VEGFC: variants seen among roughly 807,000 people sequenced by gnomAD.
VEGFC encodes the protein FLT4 ligand DHM.
VEGFC carries 12 observed loss-of-function variants against 46.1 expected under a neutral mutation model. That is an observed-to-expected ratio of 0.26 (90% confidence interval 0.17 to 0.42). VEGFC has a LOEUF of 0.42. Ranked by LOEUF, VEGFC falls within the 10% of genes least tolerant of loss-of-function variation. The probability of loss-of-function intolerance (pLI) is 1.00; values close to 1 mark genes in which losing one functional copy is unlikely to be tolerated. For synonymous variants in VEGFC, 232 were observed against 195.5 expected, an observed-to-expected ratio of 1.19 and a Z score of -1.56; for missense variants, 488 against 529.4, an observed-to-expected ratio of 0.92 and a Z score of 0.77.
intron 4 of VEGFC, among the ~76,000 whole-genome samples, chr4:176,709,025 C>A (rs569767059): frequency 6.6e-6 from 1 of 152,184 alleles, no homozygotes; most frequent in East Asian, 1.9e-4. Flanking sequence ...GTATGGCTTA[C>A]TCTAAGACTC....
chr4:176,712,024 T>TCA (rs1165796159), intron 3 of VEGFC, among the ~76,000 whole-genome samples: 1 of 152,122 alleles, frequency 6.6e-6, no homozygotes, highest in Non-Finnish European at 1.5e-5. Flanking sequence ...TTAAAAAGTG[T>TCA]CACACACAGA....
At chr4:176,772,771 T>C (rs1735743553) in intron 1 of VEGFC, among the ~76,000 whole-genome samples, 1 of 152,112 alleles carries the variant, frequency 6.6e-6, no homozygotes, top group Admixed American at 6.6e-5. Context: ...TCTGGAGAAA[T>C]CTCTCCTGAT....
chr4:176,777,859 C>A (rs1292883919), intron 1 of VEGFC, among the ~76,000 whole-genome samples: 4 of 122,512 alleles, frequency 3.3e-5, no homozygotes, highest in Non-Finnish European at 6.4e-5. Context: ...GTGGAGCTTG[C>A]AGTGAGCCAA....
intron 1 of VEGFC, among the ~76,000 whole-genome samples, chr4:176,738,776 T>C (rs529016558): frequency 9.2e-5 from 14 of 151,886 alleles, no homozygotes; most frequent in Non-Finnish European, 1.8e-4. Flanking sequence ...ACCTACAGAA[T>C]GGGAGAAAAC....
intron 3 of VEGFC, among the ~76,000 whole-genome samples, chr4:176,714,041 G>A (rs1212426022): frequency 6.6e-6 from 1 of 152,152 alleles, no homozygotes; most frequent in South Asian, 2.1e-4. Context: ...AGTGGGAAAG[G>A]GCTCAAGTGG....
chr4:176,778,220 T>G (rs28637849), intron 1 of VEGFC, among the ~76,000 whole-genome samples: 16,648 of 152,156 alleles, frequency 0.11, 2,262 homozygotes, highest in African/African-American at 0.32. Flanking sequence ...ACGACTTCAC[T>G]TGCTGATGGT....
intron 1 of VEGFC, among the ~76,000 whole-genome samples, chr4:176,750,732 T>C (rs1735328524): frequency 6.6e-6 from 1 of 151,842 alleles, no homozygotes; most frequent in African/African-American, 2.4e-5. Flanking sequence ...AAACTATTTA[T>C]GAAAACTGAC....
chr4:176,759,987 A>T (rs1008381181), intron 1 of VEGFC, among the ~76,000 whole-genome samples: 1 of 152,178 alleles, frequency 6.6e-6, no homozygotes, highest in African/African-American at 2.4e-5. Flanking sequence ...AAGTGTTTTT[A>T]CACAGAAAAA....
intron 1 of VEGFC, among the ~76,000 whole-genome samples, chr4:176,750,083 A>C (rs1476572866): frequency 2.0e-5 from 3 of 151,828 alleles, no homozygotes. Context: ...TATTTCTAAA[A>C]TTAAATTTTC....
At chr4:176,785,736 G>A (rs2110953014) in intron 1 of VEGFC, among the ~76,000 whole-genome samples, 1 of 151,996 alleles carries the variant, frequency 6.6e-6, no homozygotes, top group Non-Finnish European at 1.5e-5. Flanking sequence ...CTATTTCAAT[G>A]AACTGTCTAC....
intron 4 of VEGFC, among the ~76,000 whole-genome samples, chr4:176,692,201 C>G (rs1459556870): frequency 6.7e-6 from 1 of 149,698 alleles, no homozygotes; most frequent in Non-Finnish European, 1.5e-5. Flanking sequence ...GAGACCATCC[C>G]GGCTAAAACG....
At chr4:176,720,822 A>G (rs1329751858) in intron 3 of VEGFC, among the ~76,000 whole-genome samples, 2 of 142,846 alleles carry the variant, frequency 1.4e-5, no homozygotes, top group Non-Finnish European at 3.0e-5. Context: ...CCACCTGGGC[A>G]ACAAGAGTGA....
intron 3 of VEGFC, among the ~76,000 whole-genome samples, chr4:176,715,760 T>C (rs1734689383): frequency 6.6e-6 from 1 of 152,214 alleles, no homozygotes; most frequent in South Asian, 2.1e-4. Context: ...GCTTAGAAAA[T>C]ATACATTTTT....
chr4:176,759,073 A>G (rs1407522647), intron 1 of VEGFC, among the ~76,000 whole-genome samples: 2 of 152,206 alleles, frequency 1.3e-5, no homozygotes, highest in South Asian at 2.1e-4. Context: ...AAAAGCTAAG[A>G]AACTAAAATA....
chr4:176,719,820 G>C (rs1053040004), intron 3 of VEGFC, among the ~76,000 whole-genome samples: 1 of 152,136 alleles, frequency 6.6e-6, no homozygotes, highest in Admixed American at 6.5e-5. Flanking sequence ...CAGCACATTG[G>C]GTGGCCGAGG....
intron 3 of VEGFC, among the ~76,000 whole-genome samples, chr4:176,724,732 C>T (rs1018590286): frequency 1.3e-5 from 2 of 152,140 alleles, no homozygotes; most frequent in African/African-American, 4.8e-5. Context: ...GTCTAGAGCA[C>T]TGGAAGCACA....
intron 4 of VEGFC, among the ~76,000 whole-genome samples, chr4:176,698,455 T>C (rs1381864284): frequency 2.0e-5 from 3 of 152,086 alleles, no homozygotes; most frequent in East Asian, 1.9e-4. Flanking sequence ...TTTCCAGCTT[T>C]ATTGAAGTAT....
intron 3 of VEGFC, among the ~76,000 whole-genome samples, chr4:176,725,262 T>C (rs185164956): frequency 1.2e-3 from 185 of 152,244 alleles, no homozygotes; most frequent in Non-Finnish European, 2.3e-3. Flanking sequence ...CAATGGGAAA[T>C]CACTGAAAGG....
intron 1 of VEGFC, among the ~76,000 whole-genome samples, chr4:176,740,937 C>T (rs891573752): frequency 1.3e-5 from 2 of 151,736 alleles, no homozygotes; most frequent in African/African-American, 4.8e-5. Flanking sequence ...ACGTTATCAT[C>T]GATTAGTTAA....
Sources: gnomAD v4.1 joint callset for allele counts (sites outside exome capture counted in the v4.1 genomes callset) on GRCh38, gnomAD v4.1.1 for gene constraint, MANE v1.5 for transcripts, NCBI Gene and HGNC (gene_info 2026-07-23, HGNC 2026-07-21) for gene names.